The following SLC6A18 variants were observed in gnomAD, a reference collection of about 807,000 sequenced individuals.
The protein encoded by SLC6A18 is inactive sodium-dependent neutral amino acid transporter B(0)AT3.
In SLC6A18, 58 loss-of-function variants were observed where a neutral mutation model predicts 62.9. The observed-to-expected ratio is 0.92, with a 90% CI of 0.75 to 1.15. SLC6A18 has a LOEUF of 1.15. Among genes scored for constraint, SLC6A18 ranks in the 50% most tolerant of loss-of-function variants. SLC6A18 has a pLI of 0.00. For missense variants in SLC6A18, 793 were observed against 836.6 expected, an observed-to-expected ratio of 0.95 and a Z score of 0.64; for synonymous variants, 382 against 365.8, an observed-to-expected ratio of 1.04 and a Z score of -0.51.
At chr5:1,235,106 C>T (rs1468249246) in intron 3 of SLC6A18, among the ~76,000 whole-genome samples, 2 of 152,236 alleles carry the variant, frequency 1.3e-5, no homozygotes, top group Non-Finnish European at 2.9e-5. Context: ...CAGCCACACA[C>T]TTGACACATG....
At chr5:1,245,269 G>A (rs925263923) in intron 11 of SLC6A18, among the ~76,000 whole-genome samples, 2 of 152,144 alleles carry the variant, frequency 1.3e-5, no homozygotes, top group African/African-American at 4.8e-5. Flanking sequence ...CAGAGTGCCA[G>A]CCACACTCCG....
Position 1,235,505 on chromosome 5 carries a change from G to A in SLC6A18, c.464G>A (p.Ser155Asn). The A allele has an allele frequency of 9.3e-6, 15 of 1,613,980 alleles. No individual in the cohort carries two copies. The highest frequency in any genetic ancestry group is 1.3e-5 in the Non-Finnish European group (15 of 1,179,970). Residue 155 changes from serine to asparagine, a missense_variant, in exon 4 of 12, where the codon AGC (serine) becomes AAC (asparagine). Physicochemically the swap from Ser to Asn is conservative, Grantham distance 46. Coordinates refer to ENST00000324642, the MANE Select transcript of SLC6A18 (RefSeq NM_182632.3). Reference sequence around the variant, plus strand: ...GGGTTTGTGGAGGAGTGCCAGGGCAGCAGCGCCGTGAGCTACTTCTGGTAC... The same window carrying A: ...GGGTTTGTGGAGGAGTGCCAGGGCAACAGCGCCGTGAGCTACTTCTGGTAC... ...RTGFVEECQG[S>N]SAVSYFWYRQ...
intron 11 of SLC6A18, 60 bp from the exon 12 acceptor site, chr5:1,245,787 CG>C: frequency 2.0e-6 from 3 of 1,505,294 alleles, no homozygotes; most frequent in Non-Finnish European, 1.8e-6. Flanking sequence ...TTGAGGAGCA[CG>C]GGGGTCAGCC....
At position 1,239,534 on chromosome 5, in the gene SLC6A18, A is replaced by T; in HGVS notation, c.817A>T (p.Ile273Phe). The T allele has an allele frequency of 1.2e-6, 2 of 1,614,076 alleles. No individual in the cohort carries two copies. The highest frequency in any genetic ancestry group is 2.2e-5 in the South Asian group (2 of 91,070). The change falls in exon 6 of 12, where the codon ATC becomes TTC. Residue 273 changes from isoleucine (I) to phenylalanine (F), a missense_variant. Transcript: ENST00000324642. ...FSLSLAFGGHIAFASYNSPRN... is the reference protein window; with the variant it reads ...FSLSLAFGGHFAFASYNSPRN... ...TCTGTCCCTGGCCTTCGGAGGACAC[A>T]TCGCTTTTGCAAGTTACAACTCGCC... is the stretch of plus-strand genomic sequence containing the variant.
intron 3 of SLC6A18, among the ~76,000 whole-genome samples, chr5:1,235,273 G>A (rs1746853525): frequency 6.6e-6 from 1 of 152,210 alleles, no homozygotes; most frequent in Non-Finnish European, 1.5e-5. Context: ...TTCGCAAAGT[G>A]GAGCTTCCCT....
At position 1,235,542 on chromosome 5, in the gene SLC6A18, G is replaced by A. The variant is rs1699072685; in HGVS notation, c.501G>A (p.Leu167=). Residue 167 remains leucine, a synonymous_variant, in exon 4 of 12, where the codon CTG becomes CTA. Coordinates refer to ENST00000324642, the MANE Select transcript of SLC6A18 (RefSeq NM_182632.3). ...AVSYFWYRQT[L]NITADINDSG... Reference sequence around the variant, plus strand: ...GCTACTTCTGGTACCGGCAGACACTGAACATCACAGCCGACATCAATGACA... The same window carrying A: ...GCTACTTCTGGTACCGGCAGACACTAAACATCACAGCCGACATCAATGACA... 2 of 1,614,048 alleles carry A rather than the reference G, an allele frequency of 1.2e-6. No individual in the cohort carries two copies. The highest frequency in any genetic ancestry group is 1.3e-5 in the African/African-American group (1 of 75,058).
intron 5 of SLC6A18, 79 bp downstream of exon 5, chr5:1,238,139 C>T (rs1253169337): frequency 1.0e-5 from 12 of 1,164,144 alleles, no homozygotes; most frequent in Non-Finnish European, 1.5e-5. Context: ...CCTCCCTCAC[C>T]TGGGAGCGTG....
At chr5:1,227,334 C>T (rs115302277) in intron 1 of SLC6A18, among the ~76,000 whole-genome samples, 6,258 of 152,318 alleles carry the variant, frequency 0.041, 187 homozygotes, top group Non-Finnish European at 0.058. Flanking sequence ...CAGCCCTGCC[C>T]GCCAGCTGCG....
Position 1,225,590 on chromosome 5 carries a change from TG to T in SLC6A18, c.117del (p.Asn40ThrfsTer61). On this transcript the variant is annotated frameshift_variant, in exon 1 of 12. Transcript: ENST00000324642. LOFTEE classifies it high-confidence loss of function. ...LLSCTGFAVG[L>X]GNIWRFPYLC... ...AGCTGCACTGGGTTTGCCGTGGGACTGGGGAACATTTGGCGGTTCCCATACC... is the reference window on the plus strand; with the variant it reads ...AGCTGCACTGGGTTTGCCGTGGGACTGGGAACATTTGGCGGTTCCCATACC... 1.2e-6 allele frequency: 2 copies of T among 1,608,832 alleles called. No homozygotes were observed. The highest frequency in any genetic ancestry group is 1.7e-6 in the Non-Finnish European group (2 of 1,177,338).
intron 1 of SLC6A18, among the ~76,000 whole-genome samples, 189 bp from the exon 2 acceptor site, chr5:1,232,030 C>T (rs946090362): frequency 3.3e-5 from 5 of 152,330 alleles, no homozygotes; most frequent in South Asian, 4.1e-4. Flanking sequence ...TCTCAGCAAC[C>T]GAGCCAAAAT....
At chr5:1,233,637 G>A (rs1268060987) in intron 3 of SLC6A18, among the ~76,000 whole-genome samples, 1 of 148,526 alleles carries the variant, frequency 6.7e-6, no homozygotes, top group Non-Finnish European at 1.5e-5. Flanking sequence ...AGGCTGGAGT[G>A]CAGTGGTGCA....
In SLC6A18 at chr5:1,243,830, C is replaced by A; in HGVS notation, c.1336+71C>A. ...TGACTGTCCACTCCCGCCCGCTGTC[C>A]AGACGCCCCTCCTGGATGGAGAGCG... On this transcript the variant is annotated intron_variant, in intron 9 of 11. Coordinates refer to ENST00000324642, the MANE Select transcript of SLC6A18 (RefSeq NM_182632.3). The surrounding 1 kb of genome is among the most constrained non-coding windows in gnomAD (Gnocchi z 6.5). 1.4e-6 allele frequency: 2 copies of A among 1,409,250 alleles called. No homozygotes were observed. Among genetic ancestry groups the A allele is most frequent in the South Asian group, 2.7e-5 (2 of 74,612 alleles). The allele number at this position is 1,409,250 out of a possible 1,614,324, so 87.3% of individuals were successfully genotyped here. A position where few individuals can be genotyped will look rare whatever the true frequency, so the allele number is the denominator to read the frequency against.
rs993777649 is a variant in SLC6A18, at chr5:1,242,881, G to T, written c.1131+18G>T. The T allele has an allele frequency of 1.3e-6, 2 of 1,589,004 alleles. No homozygotes were observed. Among genetic ancestry groups the T allele is most frequent in the Non-Finnish European group, 1.7e-6 (2 of 1,165,766 alleles). On this transcript the variant is annotated intron_variant, in intron 8 of 11. Coordinates refer to ENST00000324642, the MANE Select transcript of SLC6A18 (RefSeq NM_182632.3). ...TGGATAAGGTACCTGCACACCCCCT[G>T]GGGTAGCCAGGCAGGGCCGTCCACA... is the stretch of plus-strand genomic sequence containing the variant.
chr5:1,230,156 G>C (rs1746691623), intron 1 of SLC6A18, among the ~76,000 whole-genome samples: 1 of 129,084 alleles, frequency 7.7e-6, no homozygotes, highest in Non-Finnish European at 1.8e-5. Context: ...GTGCAGGCTG[G>C]TCGTGGGGGA....
intron 10 of SLC6A18, 52 bp downstream of exon 10, chr5:1,244,425 G>A (rs773015952): frequency 6.2e-7 from 1 of 1,604,774 alleles, no homozygotes; most frequent in South Asian, 1.1e-5. Context: ...GGGTGGGACA[G>A]GGAATGGCTG....
At position 1,246,086 on chromosome 5, in the gene SLC6A18, C is replaced by G. The variant is rs1404289665; in HGVS notation, c.*8C>G. 5 of 1,517,544 alleles carry G rather than the reference C, an allele frequency of 3.3e-6. No individual in the cohort carries two copies. The highest frequency in any genetic ancestry group is 1.4e-5 in the African/African-American group (1 of 71,976). 94.0% of individuals were successfully genotyped at this position (1,517,544 alleles called of 1,614,324 possible). ...GACACGGACATGCGCTGAAGCCGGC[C>G]GGAGCGGGGCCTGCATGGGCGGGTC... On this transcript the variant is annotated 3_prime_UTR_variant, in exon 12 of 12. Coordinates refer to ENST00000324642, the MANE Select transcript of SLC6A18 (RefSeq NM_182632.3).
At chr5:1,229,997 T>C (rs4073216) in intron 1 of SLC6A18, among the ~76,000 whole-genome samples, 17,596 of 54,134 alleles carry the variant, frequency 0.33, 1,754 homozygotes, top group Middle Eastern at 0.47. Flanking sequence ...AGGGCTATCA[T>C]GGTGCAGGCT....
intron 6 of SLC6A18, among the ~76,000 whole-genome samples, chr5:1,240,007 A>G (rs1463878035): frequency 6.6e-6 from 1 of 152,240 alleles, no homozygotes; most frequent in Non-Finnish European, 1.5e-5. Flanking sequence ...CGTGGCTGCC[A>G]GTATTTCTGC....
chr5:1,235,037 G>A (rs1443917688), intron 3 of SLC6A18, among the ~76,000 whole-genome samples: 2 of 152,196 alleles, frequency 1.3e-5, no homozygotes, highest in South Asian at 2.1e-4. Flanking sequence ...GGAGGAAGTG[G>A]GAGTCACAGG....
Sources: allele counts gnomAD v4.1 joint callset (sites outside exome capture counted in the v4.1 genomes callset), GRCh38; gene constraint gnomAD v4.1.1; non-coding constraint Gnocchi (gnomAD v3.1); transcripts MANE v1.5; gene names NCBI Gene and HGNC (gene_info 2026-07-23, HGNC 2026-07-21).